Variants in DNAJB1 observed in about 807,000 individuals in gnomAD.
DNAJB1 encodes the protein dnaJ homolog subfamily B member 1.
DNAJB1 carries 14 observed loss-of-function variants against 24.0 expected under a neutral mutation model. The ratio of observed to expected loss-of-function variants is 0.58; its 90% confidence interval spans 0.39 to 0.91. DNAJB1 has a LOEUF of 0.91. Ranked by LOEUF, DNAJB1 falls within the 40% of genes least tolerant of loss-of-function variation. The pLI, the probability that DNAJB1 is intolerant of heterozygous loss-of-function variation, is 0.00. For missense variants in DNAJB1, 517 were observed against 458.1 expected, an observed-to-expected ratio of 1.13 and a Z score of -1.17; for synonymous variants, 262 against 174.4, an observed-to-expected ratio of 1.50 and a Z score of -3.96.
At chr19:14,560,173 G>A (rs1347020316) in exon 1 of DNAJB1, among the ~76,000 whole-genome samples, 2 of 152,224 alleles carry the variant, frequency 1.3e-5, no homozygotes, top group East Asian at 3.9e-4. Context: ...CCGGGACCCC[G>A]ATGGCCGTAC....
chr19:14,518,188 C>A lies in DNAJB1; in HGVS notation c.162G>T (p.Val54=). 6.3e-7 allele frequency: 1 copy of A among 1,597,692 alleles called. No homozygotes were observed. Among genetic ancestry groups the A allele is most frequent in the Non-Finnish European group, 8.5e-7 (1 of 1,173,018 alleles). The change falls in exon 1 of 3, where the codon GTG becomes GTT. Residue 54 remains valine, a synonymous_variant. Transcript: ENST00000254322. ...KFKEIAEAYD[V]LSDPRKREIF... ...TCTCGCGCTTGCGCGGGTCGCTGAG[C>A]ACGTCGTAGGCCTCAGCGATCTCCT...
chr19:14,527,073 C>A (rs1158536301), intron 2 of DNAJB1, among the ~76,000 whole-genome samples: 1 of 150,200 alleles, frequency 6.7e-6, no homozygotes, highest in Non-Finnish European at 1.5e-5. Context: ...GAAGCAAATA[C>A]TCTCCCCCAG....
At chr19:14,543,603 T>C (rs1599440729) in intron 1 of DNAJB1, among the ~76,000 whole-genome samples, 1 of 148,046 alleles carries the variant, frequency 6.8e-6, no homozygotes, top group East Asian at 2.0e-4. Context: ...CACGCCCGGC[T>C]AATTTTTTGT....
At chr19:14,537,776 C>T (rs2072955004) in intron 1 of DNAJB1, among the ~76,000 whole-genome samples, 2 of 142,784 alleles carry the variant, frequency 1.4e-5, no homozygotes, top group African/African-American at 5.2e-5. Flanking sequence ...GACGAAGTCT[C>T]GCTCTTGTCC....
upstream of DNAJB1, among the ~76,000 whole-genome samples, chr19:14,533,045 G>A (rs1568393438): frequency 6.6e-6 from 1 of 152,036 alleles, no homozygotes; most frequent in Non-Finnish European, 1.5e-5. Context: ...GCTGGGAGGC[G>A]GAGTTGCCAT....
Position 14,517,879 on chromosome 19 carries a change from T to G in DNAJB1, c.211+260A>C, listed in dbSNP as rs2072301378. ...CCCATGCACCGCACCCCGGGGCTGC[T>G]CGGGGCCGCGGGAGGAGGCGCCCGG... On this transcript the variant is annotated intron_variant, in intron 1 of 2. Coordinates refer to ENST00000254322, the MANE Select transcript of DNAJB1 (RefSeq NM_006145.3). 1.6e-5 allele frequency: 6 copies of G among 373,266 alleles called. No individual in the cohort carries two copies. In the East Asian group the frequency reaches 2.4e-4, roughly 15 times the overall value. The allele number at this position is 373,266 out of a possible 1,614,324, so 23.1% of individuals were successfully genotyped here. A position where few individuals can be genotyped will look rare whatever the true frequency, so the allele number is the denominator to read the frequency against.
At chr19:14,539,130 C>G (rs1042564966) in intron 1 of DNAJB1, among the ~76,000 whole-genome samples, 48 of 148,578 alleles carry the variant, frequency 3.2e-4, no homozygotes, top group African/African-American at 1.1e-3. Flanking sequence ...CCCACCACCA[C>G]GCCCGGCTAA....
Position 14,557,128 on chromosome 19 carries a change from T to A in DNAJB1, c.-2165-2810A>T, listed in dbSNP as rs1197025100. On this transcript the variant is annotated intron_variant, in intron 1 of 5. Transcript: ENST00000679223. ...GTTGGTCTAATCTTATTTATTTATT[T>A]ATTTATTTATTTATTTATTTATTTA... is the stretch of plus-strand genomic sequence containing the variant. Among the ~76,000 whole-genome samples, 423 of 119,560 alleles carry A rather than the reference T, an allele frequency of 3.5e-3. 4 individuals are homozygous for A. Among genetic ancestry groups the A allele is most frequent in the African/African-American group, 0.015 (406 of 26,618 alleles). The allele number at this position is 119,560 out of a possible 152,430, so 78.4% of individuals were successfully genotyped here.
upstream of DNAJB1, chr19:14,518,453 G>C: frequency 1.0e-6 from 1 of 971,034 alleles, no homozygotes; most frequent in Non-Finnish European, 1.4e-6. Flanking sequence ...TCCAGAGCCC[G>C]CCAGCCCCCT....
upstream of DNAJB1, among the ~76,000 whole-genome samples, chr19:14,550,589 C>T (rs536649656): frequency 6.6e-6 from 1 of 152,254 alleles, no homozygotes; most frequent in African/African-American, 2.4e-5. Flanking sequence ...TCTGGACCAT[C>T]CCCTGGGGGT....
chr19:14,542,355 T>TTTTTTTTTG (rs1568404109), intron 1 of DNAJB1, among the ~76,000 whole-genome samples: 10 of 120,712 alleles, frequency 8.3e-5, no homozygotes, highest in East Asian at 2.2e-4. Flanking sequence ...GTGTTTTTTT[T>TTTTTTTTTG]TTTTTTTTTT....
At chr19:14,525,678 T>G (rs1385871517) in intron 2 of DNAJB1, among the ~76,000 whole-genome samples, 1 of 152,076 alleles carries the variant, frequency 6.6e-6, no homozygotes, top group African/African-American at 2.4e-5. Flanking sequence ...TGGAGTAGTT[T>G]GGAGAATTTT....
upstream of DNAJB1, among the ~76,000 whole-genome samples, chr19:14,554,115 C>G (rs994020866): frequency 1.3e-5 from 2 of 152,178 alleles, no homozygotes; most frequent in Non-Finnish European, 2.9e-5. Context: ...TGGCTTTCAA[C>G]ATGCACGCGT....
At position 14,518,384 on chromosome 19, in the gene DNAJB1, C is replaced by G; in HGVS notation, c.-35G>C. On this transcript the variant is annotated 5_prime_UTR_variant, in exon 1 of 3. Coordinates refer to ENST00000254322, the MANE Select transcript of DNAJB1 (RefSeq NM_006145.3). Reference sequence around the variant, plus strand: ...CTGCGGCCCGCCGACCCGCTGTCGCCGTCCCCCGGCTCCGCCGCCGACCAG... The same window carrying G: ...CTGCGGCCCGCCGACCCGCTGTCGCGGTCCCCCGGCTCCGCCGCCGACCAG... 1 of 1,520,388 alleles carries G rather than the reference C, an allele frequency of 6.6e-7. No homozygotes were observed. 94.2% of individuals were successfully genotyped at this position (1,520,388 alleles called of 1,614,324 possible). A position where few individuals can be genotyped will look rare whatever the true frequency, so the allele number is the denominator to read the frequency against.
Position 14,516,000 on chromosome 19 carries a change from G to A in DNAJB1, c.963C>T (p.Ile321=), listed in dbSNP as rs774107902. Residue 321 remains isoleucine (I), a synonymous_variant, in exon 3 of 3, where the codon ATC becomes ATT. Transcript: ENST00000254322. ...ATGTCTGGGGAATCCTTTCGGGGAA[G>A]ATCACTTCAAACTCAATAATGAGGT... is the stretch of plus-strand genomic sequence containing the variant. ...RGDLIIEFEV[I]FPERIPQTSR... is the part of the protein sequence containing the mutation. 22 of 1,610,544 alleles carry A rather than the reference G, an allele frequency of 1.4e-5. No individual in the cohort carries two copies. The East Asian group carries it at 3.8e-4, about 28-fold the overall frequency.
upstream of DNAJB1, among the ~76,000 whole-genome samples, chr19:14,554,733 C>T (rs1568419277): frequency 6.6e-6 from 1 of 152,112 alleles, no homozygotes; most frequent in Non-Finnish European, 1.5e-5. Context: ...AGGCCACACC[C>T]ACTCTTCACC....
At chr19:14,530,696 T>C (rs1340682507), upstream of DNAJB1, 1 of 152,224 alleles carries the variant, frequency 6.6e-6, no homozygotes, top group African/African-American at 2.4e-5. Context: ...CTAGCCACTA[T>C]GCCATGCTGG....
chr19:14,529,619 G>A (rs770226681), upstream of DNAJB1: 18 of 1,609,298 alleles, frequency 1.1e-5, no homozygotes, highest in South Asian at 1.8e-4. Context: ...GCGGTTGCGA[G>A]CGCTGTAGGG....
chr19:14,558,240 C>T lies in DNAJB1; in HGVS notation c.-2166+1791G>A, dbSNP rs115471132. Reference sequence around the variant, plus strand: ...TTCTCTGGGTTGTTCACCCACCAGGCGGGCGGGTTCCCAGGAGCTGTGACA... The same window carrying T: ...TTCTCTGGGTTGTTCACCCACCAGGTGGGCGGGTTCCCAGGAGCTGTGACA... On this transcript the variant is annotated intron_variant, in intron 1 of 5. Transcript: ENST00000679223. Among the ~76,000 whole-genome samples the T allele has an allele frequency of 6.1e-3, 929 of 152,266 alleles. 8 individuals carry two copies. Among genetic ancestry groups the T allele is most frequent in the African/African-American group, 0.021 (873 of 41,546 alleles).
Sources: gnomAD v4.1 joint callset for allele counts (sites outside exome capture counted in the v4.1 genomes callset) on GRCh38, gnomAD v4.1.1 for gene constraint, MANE v1.5 for transcripts, NCBI Gene and HGNC (gene_info 2026-07-23, HGNC 2026-07-21) for gene names.